The following NHSL1 variants were observed in gnomAD, a reference collection of about 807,000 sequenced individuals.
NHSL1 encodes NHS-like protein 1.
A neutral mutation model predicts 95.0 loss-of-function variants in NHSL1; 48 were observed. The ratio of observed to expected loss-of-function variants is 0.51; its 90% confidence interval spans 0.40 to 0.64. The LOEUF (loss-of-function observed/expected upper bound fraction) is 0.64, where lower values mean the gene tolerates loss of function less well. NHSL1 is among the 30% of genes least tolerant of loss of function. The probability of loss-of-function intolerance (pLI) is 0.00; values close to 1 mark genes in which losing one functional copy is unlikely to be tolerated. For missense variants in NHSL1, 1,971 were observed against 2,077.7 expected (o/e 0.95, Z 1.00); for synonymous variants, 783 against 833.9 (o/e 0.94, Z 1.05).
chr6:138,563,595 G>C (rs192141210), intron 1 of NHSL1, among the ~76,000 whole-genome samples: 1 of 152,302 alleles, frequency 6.6e-6, no homozygotes, highest in East Asian at 1.9e-4. Flanking sequence ...TAGGCTTACA[G>C]CATATCTATA....
intron 3 of NHSL1, among the ~76,000 whole-genome samples, chr6:138,450,223 G>A (rs1406082031): frequency 1.3e-5 from 2 of 151,990 alleles, no homozygotes; most frequent in Non-Finnish European, 2.9e-5. Context: ...TAAAATTAAT[G>A]TCACTGAAGA....
intron 1 of NHSL1, among the ~76,000 whole-genome samples, chr6:138,593,827 T>C (rs926373778): frequency 3.3e-5 from 5 of 152,226 alleles, no homozygotes; most frequent in Non-Finnish European, 7.3e-5. Flanking sequence ...TTCCATTTGT[T>C]AATTCAGTCC....
At chr6:138,449,471 TC>T (rs1267268506) in intron 3 of NHSL1, among the ~76,000 whole-genome samples, 1 of 152,008 alleles carries the variant, frequency 6.6e-6, no homozygotes, top group Non-Finnish European at 1.5e-5. Flanking sequence ...AGTCAGGACA[TC>T]GAGACCATCC....
intron 1 of NHSL1, among the ~76,000 whole-genome samples, chr6:138,640,894 T>C (rs1185879182): frequency 6.6e-6 from 1 of 152,214 alleles, no homozygotes; most frequent in African/African-American, 2.4e-5. Context: ...GACTGAATTC[T>C]CTCAACATAC....
chr6:138,582,000 G>A (rs919771063), intron 1 of NHSL1, among the ~76,000 whole-genome samples: 4 of 150,576 alleles, frequency 2.7e-5, no homozygotes, highest in South Asian at 2.1e-4. Flanking sequence ...AAGTTCAAGC[G>A]ATTCTCGAGC....
chr6:138,665,553 G>A (rs1583471919), intron 1 of NHSL1, among the ~76,000 whole-genome samples: 1 of 152,302 alleles, frequency 6.6e-6, no homozygotes, highest in East Asian at 1.9e-4. Context: ...TCACAGTGCT[G>A]CTCAGCAAGT....
At chr6:138,428,937 A>G (rs1171703051) in intron 7 of NHSL1, among the ~76,000 whole-genome samples, 1 of 152,242 alleles carries the variant, frequency 6.6e-6, no homozygotes, top group African/African-American at 2.4e-5. Context: ...ACGTAGTTGC[A>G]CATATACAGT....
chr6:138,532,479 T>A (rs144477141), intron 1 of NHSL1, among the ~76,000 whole-genome samples: 79 of 152,174 alleles, frequency 5.2e-4, no homozygotes, highest in African/African-American at 1.9e-3. Context: ...CTAACAGTCA[T>A]CTCACTGAGG....
rs867904582 is a variant in NHSL1 at position 138,437,456 on chromosome 6, A to C, written c.665-3776T>G. Among the ~76,000 whole-genome samples, 165 of 141,798 alleles carry C rather than the reference A, an allele frequency of 1.2e-3. 5 individuals are homozygous for C. Among genetic ancestry groups the C allele is most frequent in the African/African-American group, 4.4e-3 (159 of 36,040 alleles). 93.0% of individuals were successfully genotyped at this position (141,798 alleles called of 152,430 possible). ...CACACACACACACACAAAAAAAAAA[A>C]AAAAAAATACAATGCACCTAGTCAC... On this transcript the variant is annotated intron_variant, in intron 5 of 7. Coordinates refer to ENST00000343505, the MANE Select transcript of NHSL1 (RefSeq NM_001144060.2).
intron 2 of NHSL1, among the ~76,000 whole-genome samples, chr6:138,487,046 A>G (rs1208469014): frequency 6.6e-6 from 1 of 152,198 alleles, no homozygotes; most frequent in Non-Finnish European, 1.5e-5. Context: ...GGCTTGGGAC[A>G]TGCAGTAGAC....
intron 1 of NHSL1, among the ~76,000 whole-genome samples, chr6:138,652,685 G>A (rs1785108348): frequency 6.6e-6 from 1 of 152,122 alleles, no homozygotes; most frequent in South Asian, 2.1e-4. Flanking sequence ...GATCATCACT[G>A]TTATTCTCCA....
At chr6:138,661,046 T>G (rs182531162) in intron 1 of NHSL1, among the ~76,000 whole-genome samples, 400 of 152,348 alleles carry the variant, frequency 2.6e-3, no homozygotes, top group Non-Finnish European at 2.8e-3. Flanking sequence ...GATTCATACA[T>G]GATTTGATAT....
chr6:138,615,533 C>T (rs1221174574), intron 1 of NHSL1, among the ~76,000 whole-genome samples: 2 of 152,240 alleles, frequency 1.3e-5, no homozygotes, highest in Admixed American at 6.5e-5. Flanking sequence ...TGCAGTGGCA[C>T]AACCTCGGCT....
intron 1 of NHSL1, among the ~76,000 whole-genome samples, chr6:138,599,651 G>A (rs1356143837): frequency 6.6e-6 from 1 of 152,204 alleles, no homozygotes; most frequent in Non-Finnish European, 1.5e-5. Context: ...TTCTCATTCA[G>A]TGCTTGAGAT....
intron 1 of NHSL1, among the ~76,000 whole-genome samples, chr6:138,534,892 C>T (rs1782275936): frequency 6.6e-6 from 1 of 152,202 alleles, no homozygotes; most frequent in Non-Finnish European, 1.5e-5. Flanking sequence ...GCAGGGAAAC[C>T]TTTTCCTTTT....
intron 3 of NHSL1, among the ~76,000 whole-genome samples, chr6:138,463,448 ATTC>A (rs1778125525): frequency 6.7e-6 from 1 of 149,918 alleles, no homozygotes; most frequent in Non-Finnish European, 1.5e-5. Flanking sequence ...GTGTGTGGCT[ATTC>A]TTCTCGCAGG....
intron 1 of NHSL1, among the ~76,000 whole-genome samples, chr6:138,649,118 C>A (rs923923244): frequency 1.3e-5 from 2 of 152,100 alleles, no homozygotes; most frequent in Admixed American, 6.6e-5. Flanking sequence ...ACTTCATCCA[C>A]CATTAGGGTG....
At chr6:138,627,481 C>T (rs192587381) in intron 1 of NHSL1, among the ~76,000 whole-genome samples, 39 of 152,260 alleles carry the variant, frequency 2.6e-4, no homozygotes, top group Admixed American at 1.6e-3. Context: ...ATCTGTCTCA[C>T]GCACACATCA....
chr6:138,691,244 G>C (rs7770515), intron 1 of NHSL1, among the ~76,000 whole-genome samples: 6,863 of 152,080 alleles, frequency 0.045, 323 homozygotes, highest in African/African-American at 0.12. Context: ...TTTCTTGGAG[G>C]GGGACGCTCT....
Sources: allele counts gnomAD v4.1 joint callset (sites outside exome capture counted in the v4.1 genomes callset), GRCh38; gene constraint gnomAD v4.1.1; transcripts MANE v1.5; gene names NCBI Gene and HGNC (gene_info 2026-07-23, HGNC 2026-07-21).